The following TRIM22 variants were observed in gnomAD, a reference collection of about 807,000 sequenced individuals.
TRIM22 encodes E3 ubiquitin-protein ligase TRIM22.
TRIM22 carries 45 observed loss-of-function variants against 53.6 expected under a neutral mutation model. That is an observed-to-expected ratio of 0.84 (90% CI 0.66 to 1.08). The LOEUF is 1.08. Among genes scored for constraint, TRIM22 ranks in the 50% least tolerant of loss-of-function variants. The pLI is 0.00. For missense variants in TRIM22, 616 were observed against 590.9 expected (o/e 1.04, Z -0.44); for synonymous variants, 225 against 216.6 (o/e 1.04, Z -0.34).
intron 3 of TRIM22, chr11:5,698,099 G>T: frequency 1.9e-6 from 1 of 513,070 alleles, no homozygotes; most frequent in Non-Finnish European, 3.6e-6. Flanking sequence ...CTCAGATTAG[G>T]CCTCAATAAA....
At chr11:5,700,939 T>A (rs886644718) in intron 4 of TRIM22, among the ~76,000 whole-genome samples, 4 of 152,100 alleles carry the variant, frequency 2.6e-5, no homozygotes, top group African/African-American at 9.7e-5. Flanking sequence ...TTTTGTCGAA[T>A]AGCTTTTCTG....
intron 4 of TRIM22, among the ~76,000 whole-genome samples, chr11:5,703,940 G>A (rs1343900147): frequency 1.3e-5 from 2 of 152,066 alleles, no homozygotes; most frequent in African/African-American, 2.4e-5. Flanking sequence ...AAACCACAAC[G>A]AGATACCATC....
Position 5,709,516 on chromosome 11 carries a change from A to G in TRIM22, c.1365A>G (p.Ser455=), listed in dbSNP as rs1248318364. 1 of 1,613,506 alleles carries G rather than the reference A, an allele frequency of 6.2e-7. No individual in the cohort carries two copies. Among genetic ancestry groups the G allele is most frequent in the Non-Finnish European group, 8.5e-7 (1 of 1,179,904 alleles). The change falls in exon 8 of 8, where the codon TCA becomes TCG. Residue 455 remains serine (S), a synonymous_variant. Coordinates refer to ENST00000379965, the MANE Select transcript of TRIM22 (RefSeq NM_006074.5). ...TAGACTATGAGGCAGGCATTGTCTCATTTTTCAATGTCACAAACCACGGAG... is the reference window on the plus strand; with the variant it reads ...TAGACTATGAGGCAGGCATTGTCTCGTTTTTCAATGTCACAAACCACGGAG... ...VFLDYEAGIV[S]FFNVTNHGAL...
chr11:5,697,865 A>G (rs10838548), intron 3 of TRIM22: 74,024 of 171,302 alleles, frequency 0.43, 16,618 homozygotes, highest in East Asian at 0.62. Flanking sequence ...CACCATGCCC[A>G]GCTAATTTTT....
At position 5,709,560 on chromosome 11, in the gene TRIM22, C is replaced by T. The variant is rs1444507032; in HGVS notation, c.1409C>T (p.Ser470Phe). 1 of 1,614,096 alleles carries T rather than the reference C, an allele frequency of 6.2e-7. No homozygotes were observed. The highest frequency in any genetic ancestry group is 1.3e-5 in the African/African-American group (1 of 75,026). The change falls in exon 8 of 8, where the codon TCT (serine) becomes TTT (phenylalanine). Residue 470 changes from serine (S) to phenylalanine (F), a missense_variant. By Grantham distance (155) the Ser-to-Phe change is radical (BLOSUM62 -2). Transcript: ENST00000379965. ...CACGGAGCACTCATCTACAAGTTCT[C>T]TGGATGTCGCTTTTCTCGACCTGCT... is the stretch of plus-strand genomic sequence containing the variant. ...TNHGALIYKF[S>F]GCRFSRPAYP...
At position 5,709,337 on chromosome 11, in the gene TRIM22, A is replaced by G; in HGVS notation, c.1186A>G (p.Lys396Glu). The G allele has an allele frequency of 2.5e-6, 4 of 1,614,136 alleles. No homozygotes were observed. The highest frequency in any genetic ancestry group is 3.4e-6 in the Non-Finnish European group (4 of 1,180,010). ...FAFDPSVNYS[K>E]VYSRYRPQYG... is the part of the protein sequence containing the mutation. The stretch of plus-strand genomic sequence containing the variant: ...TTTTGATCCAAGTGTAAATTATTCA[A>G]AAGTTTACTCCAGATATAGACCTCA... Residue 396 changes from lysine to glutamate, a missense_variant, in exon 8 of 8, where the codon AAA (lysine) becomes GAA (glutamate). Lys to Glu is a moderately conservative substitution (Grantham distance 56, BLOSUM62 1). Transcript: ENST00000379965.
At chr11:5,693,717 G>A (rs1192643628) in intron 1 of TRIM22, among the ~76,000 whole-genome samples, 11 of 35,734 alleles carry the variant, frequency 3.1e-4, no homozygotes, top group African/African-American at 9.8e-4. Context: ...GTGAGACTCC[G>A]TCTCAAAAAA....
In TRIM22 at chr11:5,695,726, G is replaced by A. The variant is rs190618051; in HGVS notation, c.-66-441G>A. Among the ~76,000 whole-genome samples the A allele has an allele frequency of 6.7e-3, 1,019 of 152,252 alleles. 19 individuals are homozygous for A. Among genetic ancestry groups the A allele is most frequent in the African/African-American group, 0.023 (974 of 41,546 alleles). On this transcript the variant is annotated intron_variant, in intron 1 of 7. Transcript: ENST00000379965. ...ATACAATTCAATAGCTTAAAAATAT[G>A]CAAATATTCATGAATCATGCAAATA...
rs1397992475 is a variant in TRIM22 at position 5,710,564 on chromosome 11, T to G, written c.*916T>G. The stretch of plus-strand genomic sequence containing the variant: ...GTGGATTTTTAATGCTCAGAGTTTC[T>G]GAGGTCAAATTTTATCTTTTCACTT... On this transcript the variant is annotated 3_prime_UTR_variant, in exon 8 of 8. Transcript: ENST00000379965. The G allele has an allele frequency of 6.6e-6, 1 of 152,208 alleles. No individual in the cohort carries two copies. Among genetic ancestry groups the G allele is most frequent in the Non-Finnish European group, 1.5e-5 (1 of 68,038 alleles). 9.4% of individuals were successfully genotyped at this position (152,208 alleles called of 1,614,324 possible).
At position 5,709,558 on chromosome 11, in the gene TRIM22, C is replaced by A; in HGVS notation, c.1407C>A (p.Phe469Leu). ...ACCACGGAGCACTCATCTACAAGTT[C>A]TCTGGATGTCGCTTTTCTCGACCTG... ...VTNHGALIYK[F>L]SGCRFSRPAY... is the part of the protein sequence containing the mutation. Residue 469 changes from phenylalanine (F) to leucine (L), a missense_variant, in exon 8 of 8, where the codon TTC (phenylalanine) becomes TTA (leucine). Physicochemically the swap from Phe to Leu is conservative, Grantham distance 22. Transcript: ENST00000379965. The A allele has an allele frequency of 6.2e-7, 1 of 1,614,110 alleles. No individual in the cohort carries two copies.
chr11:5,696,828 ATTGTT>A, intron 2 of TRIM22, 173 bp downstream of exon 2: 1 of 663,136 alleles, frequency 1.5e-6, no homozygotes, highest in Non-Finnish European at 2.4e-6. Flanking sequence ...ACTGCTGCAC[ATTGTT>A]TTATTTAAAA....
chr11:5,701,387 T>A (rs575386000), intron 4 of TRIM22, among the ~76,000 whole-genome samples: 1,882 of 152,358 alleles, frequency 0.012, 42 homozygotes, highest in African/African-American at 0.043. Context: ...AGCTGTCTGT[T>A]ACTGATTACT....
Position 5,698,527 on chromosome 11 carries a change from G to C in TRIM22, c.732G>C (p.Ser244=). ...ATCTCCAGCGGAGGTTGAGGGGATC[G>C]TCAGTAGAGATGCTGCAGGTAAGAC... The part of the protein sequence containing the change: ...ISDLQRRLRG[S]SVEMLQDVID... The change falls in exon 4 of 8, where the codon TCG becomes TCC. Residue 244 remains serine, a synonymous_variant. Transcript: ENST00000379965. The C allele has an allele frequency of 6.2e-7, 1 of 1,613,182 alleles. No homozygotes were observed. The highest frequency in any genetic ancestry group is 8.5e-7 in the Non-Finnish European group (1 of 1,179,394).
At position 5,708,565 on chromosome 11, in the gene TRIM22, T is replaced by C. The variant is rs376323994; in HGVS notation, c.875-12T>C. On this transcript the variant is annotated splice_polypyrimidine_tract_variant and intron_variant, in intron 6 of 7. Transcript: ENST00000379965. ...GCTTCTAACAACATCACTGAAACTT[T>C]TGTCGTTTCAGAGCTGACAGATGTC... The C allele has an allele frequency of 1.2e-5, 20 of 1,601,720 alleles. No individual in the cohort carries two copies. The East Asian group carries it at 3.3e-4, about 27-fold the overall frequency.
chr11:5,704,091 A>G (rs1853419217), intron 4 of TRIM22, among the ~76,000 whole-genome samples: 1 of 152,226 alleles, frequency 6.6e-6, no homozygotes, highest in African/African-American at 2.4e-5. Flanking sequence ...GGAGGTTTCT[A>G]AAAGAACTTA....
chr11:5,695,211 G>C (rs1271669180), intron 1 of TRIM22, among the ~76,000 whole-genome samples: 1 of 152,158 alleles, frequency 6.6e-6, no homozygotes, highest in African/African-American at 2.4e-5. Context: ...GACAGTACTG[G>C]TGGTTTTGCT....
Position 5,698,324 on chromosome 11 carries a change from C to T in TRIM22, c.529C>T (p.Gln177Ter), listed in dbSNP as rs765995696. ...TCTTTTCATTCCCAAGAATTATATC[C>T]AGATCGAGAGACAGAAGATTCTGAA... The part of the protein sequence containing the change: ...QERTAWKNYI[Q>*]IERQKILKGF... Residue 177 changes from glutamine (Q) to a stop codon, truncating the protein, a stop_gained, in exon 4 of 8, where the codon CAG becomes TAG. Coordinates refer to ENST00000379965, the MANE Select transcript of TRIM22 (RefSeq NM_006074.5). LOFTEE classifies it high-confidence loss of function. The T allele has an allele frequency of 2.9e-5, 47 of 1,613,820 alleles. No individual in the cohort carries two copies. Among genetic ancestry groups the T allele is most frequent in the Non-Finnish European group, 3.9e-5 (46 of 1,179,848 alleles).
chr11:5,696,983 C>A (rs10838546), intron 2 of TRIM22: 264,243 of 493,486 alleles, frequency 0.54, 74,190 homozygotes, highest in Non-Finnish European at 0.59. Context: ...AATGAAAGGA[C>A]GTCTTTCCTT....
At position 5,696,384 on chromosome 11, in the gene TRIM22, G is replaced by C. The variant is rs772849775; in HGVS notation, c.152G>C (p.Arg51Thr). The C allele has an allele frequency of 1.9e-6, 3 of 1,614,240 alleles. No homozygotes were observed. The highest frequency in any genetic ancestry group is 2.5e-6 in the Non-Finnish European group (3 of 1,180,054). The change falls in exon 2 of 8, where the codon AGA (arginine) becomes ACA (threonine). Residue 51 changes from arginine to threonine, a missense_variant. Transcript: ENST00000379965. ...ATCAAGGAGTCAGTGATCATCTCAA[G>C]AGGGGAAAGCAGCTGTCCTGTGTGT... ...AKIKESVIIS[R>T]GESSCPVCQT... is the part of the protein sequence containing the mutation.
Sources: allele counts gnomAD v4.1 joint callset (sites outside exome capture counted in the v4.1 genomes callset), GRCh38; gene constraint gnomAD v4.1.1; transcripts MANE v1.5; gene names NCBI Gene and HGNC (gene_info 2026-07-23, HGNC 2026-07-21).